Variants in CUBN observed in about 807,000 individuals in gnomAD.
The protein encoded by CUBN is cubilin, also known as 460 kDa receptor.
In CUBN, 282 loss-of-function variants were observed where a neutral mutation model predicts 405.3. That is an observed-to-expected ratio of 0.70 (90% CI 0.63 to 0.77). CUBN has a LOEUF of 0.77. CUBN is among the 30% of genes least tolerant of loss of function. The probability of loss-of-function intolerance (pLI) is 0.00; values close to 1 mark genes in which losing one functional copy is unlikely to be tolerated. For missense variants in CUBN, 4,514 were observed against 4,475.2 expected (o/e 1.01, Z -0.25); for synonymous variants, 1,684 against 1,617.0 (o/e 1.04, Z -0.99).
At chr10:16,989,761 A>AT (rs894199446) in intron 29 of CUBN, among the ~76,000 whole-genome samples, 4 of 152,118 alleles carry the variant, frequency 2.6e-5, no homozygotes, top group Non-Finnish European at 4.4e-5. Flanking sequence ...CTAGGTGGCC[A>AT]TTTTTTTACA....
Position 16,890,639 on chromosome 10 carries a change from G to A in CUBN, c.8599-112C>T, listed in dbSNP as rs1429591024. 8 of 1,061,568 alleles carry A rather than the reference G, an allele frequency of 7.5e-6. No individual in the cohort carries two copies. In the East Asian group the frequency reaches 1.9e-4, roughly 25 times the overall value. 65.8% of individuals were successfully genotyped at this position (1,061,568 alleles called of 1,614,324 possible). ...CACGTATACAGAACTAAGCATAAGA[G>A]TAAACAAAACATGGACAAATCTGTA... On this transcript the variant is annotated intron_variant, in intron 54 of 66. Coordinates refer to ENST00000377833, the MANE Select transcript of CUBN (RefSeq NM_001081.4).
At chr10:16,960,633 T>G (rs575112211) in intron 31 of CUBN, among the ~76,000 whole-genome samples, 1 of 152,342 alleles carries the variant, frequency 6.6e-6, no homozygotes, top group South Asian at 2.1e-4. Context: ...TGAATATGTA[T>G]GACAGTTGCT....
chr10:16,900,923 C>T (rs1588632296), intron 52 of CUBN, 73 bp from the exon 53 acceptor site: 6 of 1,019,962 alleles, frequency 5.9e-6, no homozygotes, highest in Middle Eastern at 2.1e-4. Context: ...CCTTACAAAT[C>T]GTTTAATTTT....
chr10:17,128,023 T>A, intron 2 of CUBN, 99 bp from the exon 3 acceptor site: 1 of 806,508 alleles, frequency 1.2e-6, no homozygotes, highest in Non-Finnish European at 2.0e-6. Context: ...TATTCTACTT[T>A]AAGCACTAAG....
In CUBN at chr10:16,940,168, C is replaced by A. The variant is rs199695111; in HGVS notation, c.5412G>T (p.Thr1804=). 8.1e-6 allele frequency: 13 copies of A among 1,614,042 alleles called. No homozygotes were observed. Among genetic ancestry groups the A allele is most frequent in the Non-Finnish European group, 1.1e-5 (13 of 1,179,950 alleles). The change falls in exon 37 of 67, where the codon ACG becomes ACT. Residue 1804 remains threonine, a synonymous_variant. Coordinates refer to ENST00000377833, the MANE Select transcript of CUBN (RefSeq NM_001081.4). ...DFVEIREGNA[T]GHLVGRYCGN... is the part of the protein sequence containing the mutation. ...CACAGTATCGTCCCACCAAGTGACC[C>A]GTGGCATTTCCTTCACGGATCTCCA...
chr10:16,990,655 T>C (rs1833558791), intron 28 of CUBN, 140 bp from the exon 29 acceptor site: 1 of 684,272 alleles, frequency 1.5e-6, no homozygotes, highest in Admixed American at 2.9e-5. Flanking sequence ...AATAAAGTTA[T>C]AATTATGCAG....
intron 19 of CUBN, among the ~76,000 whole-genome samples, chr10:17,069,267 TATTATA>T (rs1331132384): frequency 6.6e-6 from 1 of 152,230 alleles, no homozygotes; most frequent in Non-Finnish European, 1.5e-5. Flanking sequence ...TTGTATATGT[TATTATA>T]GATGATGACT....
In CUBN at chr10:16,877,037, C is replaced by T; in HGVS notation, c.8966G>A (p.Ser2989Asn). 6.2e-7 allele frequency: 1 copy of T among 1,614,152 alleles called. No individual in the cohort carries two copies. Among genetic ancestry groups the T allele is most frequent in the African/African-American group, 1.3e-5 (1 of 75,028 alleles). ...NDGVHIIRGY[S>N]VMSTPFATVC... ...AGTAGCAAATGGGGTGGACATGACG[C>T]TGTAACCTCTGATAATGTGCACGCC... Residue 2989 changes from serine to asparagine, a missense_variant, in exon 57 of 67, where the codon AGC becomes AAC. Ser to Asn is a conservative substitution (Grantham distance 46). Around this residue, in one of 5 missense-constraint regions of CUBN, gnomAD observed 1,186 missense variants for 1,186.9 expected, o/e 1.00. Transcript: ENST00000377833.
chr10:16,883,125 G>A (rs754737215), intron 56 of CUBN, among the ~76,000 whole-genome samples: 13 of 152,114 alleles, frequency 8.5e-5, no homozygotes, highest in Non-Finnish European at 1.9e-4. Context: ...ATGGGTTCTA[G>A]GCAGAGGCAC....
intron 28 of CUBN, among the ~76,000 whole-genome samples, chr10:17,014,616 G>T (rs1202277087): frequency 1.3e-5 from 2 of 152,244 alleles, no homozygotes; most frequent in African/African-American, 4.8e-5. Context: ...TGTAGGCAAA[G>T]CTGGGTCTTC....
chr10:16,994,952 G>C (rs1195519153), intron 28 of CUBN, among the ~76,000 whole-genome samples: 1 of 152,140 alleles, frequency 6.6e-6, no homozygotes, highest in South Asian at 2.1e-4. Flanking sequence ...TTAGCTGGGC[G>C]TGGTGGTATG....
Position 17,127,830 on chromosome 10 carries a change from T to C in CUBN, c.347A>G (p.Lys116Arg), listed in dbSNP as rs1439247682. The C allele has an allele frequency of 8.7e-6, 14 of 1,609,484 alleles. No homozygotes were observed. Among genetic ancestry groups the C allele is most frequent in the Non-Finnish European group, 8.5e-7 (1 of 1,175,950 alleles). ...ISSQIYQLNSKLVDLERKFQG... is the reference protein window; with the variant it reads ...ISSQIYQLNSRLVDLERKFQG... ...TTATGACGTAGATGTCAGACTTACC[T>C]TGGAATTAAGCTGATAGATTTGACT... The change falls in exon 3 of 67, where the codon AAG becomes AGG. Residue 116 changes from lysine (K) to arginine (R), a missense_variant and splice_region_variant. By Grantham distance (26) the Lys-to-Arg change is conservative (BLOSUM62 2). Around this residue, in one of 5 missense-constraint regions of CUBN, gnomAD observed 1,448 missense variants for 1,388.0 expected, o/e 1.04. Transcript: ENST00000377833.
At chr10:17,071,369 A>G in intron 19 of CUBN, 57 bp downstream of exon 19, 1 of 1,543,386 alleles carries the variant, frequency 6.5e-7, no homozygotes, top group Non-Finnish European at 8.9e-7. Context: ...ACAACAACCC[A>G]TAATATTTTT....
intron 4 of CUBN, among the ~76,000 whole-genome samples, chr10:17,125,959 G>A (rs758305228): frequency 1.2e-4 from 19 of 152,194 alleles, no homozygotes; most frequent in Non-Finnish European, 2.6e-4. Context: ...GTTTGCAGCA[G>A]CAATCCTTGC....
intron 29 of CUBN, among the ~76,000 whole-genome samples, chr10:16,988,068 G>A (rs564479863): frequency 7.2e-5 from 11 of 152,198 alleles, no homozygotes; most frequent in African/African-American, 1.7e-4. Flanking sequence ...CCCTGATTTC[G>A]TCCCTGAGGC....
At chr10:16,852,401 C>T (rs1839740914) in intron 59 of CUBN, among the ~76,000 whole-genome samples, 7 of 147,702 alleles carry the variant, frequency 4.7e-5, no homozygotes, top group Admixed American at 4.7e-4. Flanking sequence ...CTTTCCCTCC[C>T]TCCATCTTTC....
intron 62 of CUBN, among the ~76,000 whole-genome samples, chr10:16,837,833 A>G (rs1839219635): frequency 6.6e-6 from 1 of 152,120 alleles, no homozygotes; most frequent in Non-Finnish European, 1.5e-5. Flanking sequence ...AGTGGAAAAC[A>G]TTATTCAGTC....
At chr10:17,063,138 C>A (rs920965869) in intron 22 of CUBN, among the ~76,000 whole-genome samples, 1 of 152,184 alleles carries the variant, frequency 6.6e-6, no homozygotes, top group Non-Finnish European at 1.5e-5. Flanking sequence ...CAGGACCCCC[C>A]CTCAGCAATG....
chr10:17,036,296 T>C (rs1228252980), intron 27 of CUBN, among the ~76,000 whole-genome samples: 1 of 152,066 alleles, frequency 6.6e-6, no homozygotes, highest in Non-Finnish European at 1.5e-5. Flanking sequence ...GGTGGTCATG[T>C]TGTTGAAGCT....
Sources: gnomAD v4.1 joint callset for allele counts (sites outside exome capture counted in the v4.1 genomes callset) on GRCh38, gnomAD v4.1.1 for gene constraint, gnomAD v4.1.1 regional missense constraint, MANE v1.5 for transcripts, NCBI Gene and HGNC (gene_info 2026-07-23, HGNC 2026-07-21) for gene names.